Variants in KHDRBS2 observed in about 807,000 individuals in gnomAD.
The protein encoded by KHDRBS2 is KH domain-containing, RNA-binding, signal transduction-associated protein 2.
In KHDRBS2, 26 loss-of-function variants were observed where a neutral mutation model predicts 44.3. The observed-to-expected ratio is 0.59, with a 90% CI of 0.43 to 0.81. KHDRBS2 has a LOEUF of 0.81. Ranked by LOEUF, KHDRBS2 falls within the 40% of genes least tolerant of loss-of-function variation. KHDRBS2 has a pLI of 0.00. For synonymous variants in KHDRBS2, 194 were observed against 151.1 expected, an observed-to-expected ratio of 1.28 and a Z score of -2.08; for missense variants, 476 against 433.1, an observed-to-expected ratio of 1.10 and a Z score of -0.88.
chr6:61,746,232 G>C (rs555967432), intron 6 of KHDRBS2, among the ~76,000 whole-genome samples: 1 of 152,078 alleles, frequency 6.6e-6, no homozygotes, highest in Non-Finnish European at 1.5e-5. Context: ...AGTTTCAGAA[G>C]AGAAGTTTAG....
chr6:61,757,322 A>T (rs1778632375), intron 6 of KHDRBS2, among the ~76,000 whole-genome samples: 2 of 152,146 alleles, frequency 1.3e-5, no homozygotes. Context: ...AGTTTTGCTT[A>T]AAGTATTTAA....
At chr6:62,255,209 G>A (rs1373003241) in intron 1 of KHDRBS2, among the ~76,000 whole-genome samples, 1 of 151,992 alleles carries the variant, frequency 6.6e-6, no homozygotes, top group Non-Finnish European at 1.5e-5. Context: ...TTTTCTCATA[G>A]AAACAAAAAA....
chr6:61,774,487 T>G (rs900946188), intron 6 of KHDRBS2, among the ~76,000 whole-genome samples: 1 of 152,122 alleles, frequency 6.6e-6, no homozygotes, highest in Non-Finnish European at 1.5e-5. Context: ...TCACAAGCAT[T>G]CTTATATACC....
chr6:61,870,840 C>T (rs1798557179), intron 6 of KHDRBS2, among the ~76,000 whole-genome samples: 1 of 152,076 alleles, frequency 6.6e-6, no homozygotes, highest in African/African-American at 2.4e-5. Flanking sequence ...CACTCAGAGA[C>T]CCCAACCAAA....
chr6:61,851,200 T>A (rs551692638), intron 6 of KHDRBS2, among the ~76,000 whole-genome samples: 82 of 151,994 alleles, frequency 5.4e-4, no homozygotes, highest in Middle Eastern at 3.4e-3. Flanking sequence ...GAGAAAAAAA[T>A]ATATATATAC....
chr6:61,692,593 C>T (rs1767490433), intron 8 of KHDRBS2, among the ~76,000 whole-genome samples: 2 of 151,780 alleles, frequency 1.3e-5, no homozygotes, highest in Admixed American at 6.6e-5. Context: ...AATATAGGCC[C>T]CAAGGAGACA....
At chr6:61,545,234 C>A in the KHDRBS2 span, among the ~76,000 whole-genome samples, 1 of 151,776 alleles carries the variant, frequency 6.6e-6, no homozygotes, top group Non-Finnish European at 1.5e-5. Context: ...CCACTTGAGG[C>A]CAGGAGTTGG....
the KHDRBS2 span, among the ~76,000 whole-genome samples, chr6:61,567,924 T>A: frequency 2.0e-5 from 3 of 152,094 alleles, no homozygotes; most frequent in African/African-American, 7.2e-5. Flanking sequence ...TTTTTTTATC[T>A]ATTCAGAATT....
intron 4 of KHDRBS2, among the ~76,000 whole-genome samples, chr6:61,976,233 T>C (rs1192432): frequency 3.3e-5 from 5 of 152,162 alleles, no homozygotes; most frequent in African/African-American, 4.8e-5. Context: ...TCAGTCAAAC[T>C]ATCAAGTAAA....
Position 62,024,983 on chromosome 6 carries a change from C to CA in KHDRBS2, c.336+22894dup, listed in dbSNP as rs534783731. ...TTATCAACATATAAAACAGTCAAAA[C>CA]AATAACCATTAAACTGAAGAGTAAA... On this transcript the variant is annotated intron_variant, in intron 3 of 8. Transcript: ENST00000281156. 2.1e-3 allele frequency among the ~76,000 whole-genome samples: 322 copies of CA among 151,568 alleles called. 1 individual carries two copies. The highest frequency in any genetic ancestry group is 7.3e-3 in the African/African-American group (303 of 41,472).
intron 6 of KHDRBS2, among the ~76,000 whole-genome samples, chr6:61,823,514 G>A (rs493270): frequency 0.6 from 90,795 of 151,782 alleles, 27,378 homozygotes; most frequent in South Asian, 0.68. Context: ...AAGTGAGCAA[G>A]TTCAGAAATA....
intron 7 of KHDRBS2, among the ~76,000 whole-genome samples, chr6:61,702,450 G>A (rs547273560): frequency 6.6e-6 from 1 of 152,058 alleles, no homozygotes; most frequent in African/African-American, 2.4e-5. Context: ...CCACTGAATT[G>A]TGAGACATCC....
chr6:61,996,895 G>T (rs1777293398), intron 3 of KHDRBS2, among the ~76,000 whole-genome samples: 1 of 144,160 alleles, frequency 6.9e-6, no homozygotes, highest in Non-Finnish European at 1.5e-5. Context: ...CAATTCTCCT[G>T]CCTCAGCCTC....
chr6:61,925,366 T>C (rs917083976), intron 4 of KHDRBS2, among the ~76,000 whole-genome samples: 2 of 152,160 alleles, frequency 1.3e-5, no homozygotes, highest in African/African-American at 4.8e-5. Flanking sequence ...AAATAACTAG[T>C]CCACTGGATC....
At chr6:62,129,636 C>T (rs1420350896) in intron 2 of KHDRBS2, among the ~76,000 whole-genome samples, 1 of 152,062 alleles carries the variant, frequency 6.6e-6, no homozygotes, top group Non-Finnish European at 1.5e-5. Context: ...AGGTGCTTTA[C>T]TGAACTGTGC....
At chr6:62,033,262 G>A (rs1286539579) in intron 3 of KHDRBS2, among the ~76,000 whole-genome samples, 1 of 151,942 alleles carries the variant, frequency 6.6e-6, no homozygotes, top group Non-Finnish European at 1.5e-5. Flanking sequence ...GGTCTTAAGA[G>A]GAGGTAGAGA....
chr6:61,803,285 G>A (rs1055653922), intron 6 of KHDRBS2, among the ~76,000 whole-genome samples: 1 of 152,128 alleles, frequency 6.6e-6, no homozygotes, highest in African/African-American at 2.4e-5. Context: ...ATTAAGAAGT[G>A]TAAGAATCAA....
the KHDRBS2 span, among the ~76,000 whole-genome samples, chr6:61,593,481 T>C: frequency 1.3e-5 from 2 of 151,844 alleles, no homozygotes; most frequent in Non-Finnish European, 2.9e-5. Flanking sequence ...TAGGTTTTTT[T>C]TTTTTTTTTG....
chr6:62,056,061 G>A (rs180850943), intron 2 of KHDRBS2, among the ~76,000 whole-genome samples: 93 of 152,090 alleles, frequency 6.1e-4, no homozygotes, highest in African/African-American at 2.2e-3. Flanking sequence ...TTTACGGCCT[G>A]TTGGTGGAAC....
Sources: allele counts gnomAD v4.1 joint callset (sites outside exome capture counted in the v4.1 genomes callset), GRCh38; gene constraint gnomAD v4.1.1; transcripts MANE v1.5; gene names NCBI Gene and HGNC (gene_info 2026-07-23, HGNC 2026-07-21).